SEPTIN14: variants seen among roughly 807,000 people sequenced by gnomAD.
The protein encoded by SEPTIN14 is septin 14.
SEPTIN14 carries 40 observed loss-of-function variants against 53.6 expected under a neutral mutation model. That is an observed-to-expected ratio of 0.75 (90% CI 0.58 to 0.97). The LOEUF (loss-of-function observed/expected upper bound fraction) is 0.97, where lower values mean the gene tolerates loss of function less well. Among genes scored for constraint, SEPTIN14 ranks in the 50% least tolerant of loss-of-function variants. The pLI, the probability that SEPTIN14 is intolerant of heterozygous loss-of-function variation, is 0.00. For missense variants in SEPTIN14, 471 were observed against 508.2 expected, an observed-to-expected ratio of 0.93 and a Z score of 0.70; for synonymous variants, 138 against 166.8, an observed-to-expected ratio of 0.83 and a Z score of 1.33.
intron 2 of SEPTIN14, among the ~76,000 whole-genome samples, chr7:55,859,290 T>C (rs1789703219): frequency 6.6e-6 from 1 of 152,208 alleles, no homozygotes; most frequent in African/African-American, 2.4e-5. Context: ...TAGTATAAGA[T>C]AATGGTCCAA....
intron 7 of SEPTIN14, among the ~76,000 whole-genome samples, chr7:55,810,475 CTTTTT>C (rs145847718): frequency 1.6e-5 from 2 of 124,894 alleles, no homozygotes; most frequent in Non-Finnish European, 1.6e-5. Flanking sequence ...TTTTGAAGTT[CTTTTT>C]TTTTTTTTTT....
chr7:55,848,741 G>A (rs1408634128), intron 2 of SEPTIN14, among the ~76,000 whole-genome samples: 2 of 151,236 alleles, frequency 1.3e-5, no homozygotes, highest in Admixed American at 1.3e-4. Flanking sequence ...CCGAGTAGCT[G>A]GGACTACAGG....
intron 2 of SEPTIN14, among the ~76,000 whole-genome samples, chr7:55,860,179 C>CA (rs36100326): frequency 0.24 from 27,156 of 115,376 alleles, 2,874 homozygotes; most frequent in East Asian, 0.3. Context: ...AACTCCATCT[C>CA]AAAAAAAAAA....
chr7:55,843,675 T>C (rs927281666), intron 4 of SEPTIN14, among the ~76,000 whole-genome samples: 3 of 151,952 alleles, frequency 2.0e-5, no homozygotes, highest in African/African-American at 7.3e-5. Context: ...CTGCTAAAAA[T>C]ACAAAAATTA....
At chr7:55,838,957 T>C (rs1171990924) in intron 5 of SEPTIN14, among the ~76,000 whole-genome samples, 1 of 152,188 alleles carries the variant, frequency 6.6e-6, no homozygotes, top group Non-Finnish European at 1.5e-5. Flanking sequence ...CAATTCTAAA[T>C]ACTGTGATGA....
chr7:55,805,145 G>A, intron 9 of SEPTIN14, 113 bp downstream of exon 9: 1 of 962,214 alleles, frequency 1.0e-6, no homozygotes, highest in Non-Finnish European at 1.5e-6. Context: ...GCTACTTTTT[G>A]AAAAATAGCA....
At chr7:55,842,773 C>G (rs181720769) in intron 5 of SEPTIN14, among the ~76,000 whole-genome samples, 169 bp downstream of exon 5, 26 of 151,976 alleles carry the variant, frequency 1.7e-4, no homozygotes, top group Admixed American at 1.7e-3. Context: ...ATTAGCCGGG[C>G]GTGGTGGCAG....
chr7:55,829,552 T>A (rs1226474506), intron 6 of SEPTIN14, among the ~76,000 whole-genome samples: 1 of 151,796 alleles, frequency 6.6e-6, no homozygotes, highest in Non-Finnish European at 1.5e-5. Context: ...TATGAATATC[T>A]CTATGCATAC....
At chr7:55,811,880 G>A (rs536688248) in intron 7 of SEPTIN14, among the ~76,000 whole-genome samples, 7 of 151,076 alleles carry the variant, frequency 4.6e-5, no homozygotes, top group African/African-American at 7.3e-5. Flanking sequence ...TGCCACCTCC[G>A]CCTCCCAGGT....
chr7:55,828,525 C>T (rs942304913), intron 6 of SEPTIN14, among the ~76,000 whole-genome samples: 3 of 152,004 alleles, frequency 2.0e-5, no homozygotes, highest in East Asian at 1.9e-4. Flanking sequence ...AGGATGGTCT[C>T]GATCTCCTGA....
chr7:55,846,476 A>G (rs780244805), intron 3 of SEPTIN14, 41 bp downstream of exon 3: 1 of 1,473,998 alleles, frequency 6.8e-7, no homozygotes. Flanking sequence ...GAACATTGGG[A>G]AAAATGAAGG....
intron 8 of SEPTIN14, among the ~76,000 whole-genome samples, 188 bp downstream of exon 8, chr7:55,806,902 C>A (rs1010003274): frequency 8.5e-5 from 13 of 152,226 alleles, no homozygotes; most frequent in Admixed American, 2.0e-4. Context: ...TGAGATCTCG[C>A]ATTATATTGT....
chr7:55,861,082 G>C (rs1249024994), intron 2 of SEPTIN14, among the ~76,000 whole-genome samples: 1 of 152,134 alleles, frequency 6.6e-6, no homozygotes, highest in African/African-American at 2.4e-5. Flanking sequence ...TTATGTTTTA[G>C]AGTCATGTGA....
At chr7:55,809,519 C>A (rs1169180819) in intron 7 of SEPTIN14, among the ~76,000 whole-genome samples, 4 of 151,576 alleles carry the variant, frequency 2.6e-5, no homozygotes, top group Non-Finnish European at 5.9e-5. Flanking sequence ...CCACACCTGG[C>A]TAATTTTTGT....
rs140551099 is a variant in SEPTIN14, at chr7:55,852,710, C to T, written c.55-6073G>A. The stretch of plus-strand genomic sequence containing the variant: ...AATGGGATCATATGAAATTAAAAAG[C>T]TTCTACACAGCAAAGAAAGTGATCA... On this transcript the variant is annotated intron_variant, in intron 2 of 9. Coordinates refer to ENST00000388975, the MANE Select transcript of SEPTIN14 (RefSeq NM_207366.3). Among the ~76,000 whole-genome samples, 424 of 152,130 alleles carry T rather than the reference C, an allele frequency of 2.8e-3. 5 individuals carry two copies. The highest frequency in any genetic ancestry group is 0.01 in the Middle Eastern group (3 of 294).
chr7:55,835,392 C>T (rs1248500397), intron 5 of SEPTIN14, among the ~76,000 whole-genome samples: 4 of 151,858 alleles, frequency 2.6e-5, no homozygotes, highest in African/African-American at 7.2e-5. Flanking sequence ...TTAGTAGAGA[C>T]GGGGTTTCAC....
chr7:55,815,314 G>A (rs537397501), intron 7 of SEPTIN14, among the ~76,000 whole-genome samples: 48 of 151,962 alleles, frequency 3.2e-4, no homozygotes, highest in African/African-American at 1.0e-3. Flanking sequence ...CAAAACAAAC[G>A]AAACAACAAA....
intron 5 of SEPTIN14, among the ~76,000 whole-genome samples, chr7:55,838,804 C>T (rs1360225981): frequency 6.6e-6 from 1 of 152,030 alleles, no homozygotes; most frequent in African/African-American, 2.4e-5. Context: ...CTGCGTTAGC[C>T]TCCCAAAGTG....
chr7:55,828,166 A>G (rs1789023144), intron 6 of SEPTIN14, among the ~76,000 whole-genome samples: 1 of 152,182 alleles, frequency 6.6e-6, no homozygotes, highest in African/African-American at 2.4e-5. Context: ...ATGAGATCCA[A>G]GACAAAGCTG....
Sources: gnomAD v4.1 joint callset for allele counts (sites outside exome capture counted in the v4.1 genomes callset) on GRCh38, gnomAD v4.1.1 for gene constraint, MANE v1.5 for transcripts, NCBI Gene and HGNC (gene_info 2026-07-23, HGNC 2026-07-21) for gene names.